Variants in PCDHGA8 observed in about 807,000 individuals in gnomAD.
The protein encoded by PCDHGA8 is protocadherin gamma-A8.
In PCDHGA8, 45 loss-of-function variants were observed where a neutral mutation model predicts 59.2. That is an observed-to-expected ratio of 0.76 (90% CI 0.60 to 0.98). The LOEUF (loss-of-function observed/expected upper bound fraction) is 0.98. PCDHGA8 is among the 50% of genes least tolerant of loss of function. PCDHGA8 has a pLI of 0.00. For missense variants in PCDHGA8, 1,257 were observed against 1,196.2 expected (o/e 1.05, Z -0.75); for synonymous variants, 531 against 519.0 (o/e 1.02, Z -0.32).
At chr5:141,501,409 A>G (rs1358547245) in intron 2 of PCDHGA8, among the ~76,000 whole-genome samples, 1 of 151,978 alleles carries the variant, frequency 6.6e-6, no homozygotes, top group African/African-American at 2.4e-5. Context: ...ACTGCTTGGA[A>G]AATAGTTGAC....
chr5:141,456,872 A>C (rs1003618586), intron 1 of PCDHGA8, among the ~76,000 whole-genome samples: 2 of 152,152 alleles, frequency 1.3e-5, no homozygotes, highest in African/African-American at 4.8e-5. Context: ...CTGAGGCAGG[A>C]GAATCGCTTG....
intron 1 of PCDHGA8, chr5:141,414,177 T>G (rs370827396): frequency 1.7e-5 from 28 of 1,607,906 alleles, no homozygotes; most frequent in Non-Finnish European, 2.2e-5. Flanking sequence ...ATCTTGCAAC[T>G]GCAAAAGTGT....
intron 1 of PCDHGA8, chr5:141,413,935 A>T: frequency 6.2e-7 from 1 of 1,613,372 alleles, no homozygotes; most frequent in Non-Finnish European, 8.5e-7. Flanking sequence ...ATACCGAGTG[A>T]GTGTTCCTGA....
chr5:141,490,149 T>C lies in PCDHGA8; in HGVS notation c.2425-4658T>C. The C allele has an allele frequency of 1.9e-6, 3 of 1,614,188 alleles. No individual in the cohort carries two copies. The highest frequency in any genetic ancestry group is 2.7e-5 in the African/African-American group (2 of 75,050). On this transcript the variant is annotated intron_variant, in intron 1 of 3. Coordinates refer to ENST00000398604, the MANE Select transcript of PCDHGA8 (RefSeq NM_032088.2). This position sits in a 1 kb window ranked among gnomAD's most constrained non-coding sequence, Gnocchi z 5.4. ...TAGACCCTAGCAGTGGGGCAATCCA[T>C]GTGTTGGGTCCCATAGACTTTGAGG... is the stretch of plus-strand genomic sequence containing the variant.
intron 1 of PCDHGA8, among the ~76,000 whole-genome samples, chr5:141,437,929 G>A (rs1479763331): frequency 6.6e-6 from 1 of 151,960 alleles, no homozygotes; most frequent in East Asian, 1.9e-4. Context: ...GTAGAGATGG[G>A]GTTTCACCAT....
At position 141,511,436 on chromosome 5, in the gene PCDHGA8, T is replaced by C. The variant is rs1371734719; in HGVS notation, c.*263T>C. The C allele has an allele frequency of 1.5e-5, 11 of 718,486 alleles. No individual in the cohort carries two copies. The highest frequency in any genetic ancestry group is 2.2e-5 in the Non-Finnish European group (10 of 461,474). The allele number at this position is 718,486 out of a possible 1,614,324, so 44.5% of individuals were successfully genotyped here. The stretch of plus-strand genomic sequence containing the variant: ...ACCCATGGGGGTAGTGGGGTTACTG[T>C]AGACACCAAGAACCATTTGCCACAC... On this transcript the variant is annotated 3_prime_UTR_variant, in exon 4 of 4. Coordinates refer to ENST00000398604, the MANE Select transcript of PCDHGA8 (RefSeq NM_032088.2).
intron 1 of PCDHGA8, among the ~76,000 whole-genome samples, chr5:141,455,410 G>A (rs1332059386): frequency 6.6e-6 from 1 of 152,130 alleles, no homozygotes; most frequent in Non-Finnish European, 1.5e-5. Context: ...CAGAGACAGA[G>A]GGAGCGGGGC....
chr5:141,399,721 G>C, intron 1 of PCDHGA8: 1 of 1,613,292 alleles, frequency 6.2e-7, no homozygotes, highest in Non-Finnish European at 8.5e-7. Flanking sequence ...ACAGGCCCGC[G>C]ACCAGGGCTC....
chr5:141,461,902 C>A (rs1477274695), intron 1 of PCDHGA8, among the ~76,000 whole-genome samples: 1 of 152,116 alleles, frequency 6.6e-6, no homozygotes, highest in African/African-American at 2.4e-5. Flanking sequence ...CGGCTCACTG[C>A]AACCTCTGCC....
intron 1 of PCDHGA8, among the ~76,000 whole-genome samples, chr5:141,448,180 G>C (rs961721974): frequency 1.3e-5 from 2 of 151,998 alleles, no homozygotes; most frequent in African/African-American, 2.4e-5. Flanking sequence ...TTCATCCCTG[G>C]TTATGTACAC....
At chr5:141,407,524 C>CT (rs2094949017) in intron 1 of PCDHGA8, among the ~76,000 whole-genome samples, 1 of 146,696 alleles carries the variant, frequency 6.8e-6, no homozygotes, top group Admixed American at 6.8e-5. Flanking sequence ...TAGGACTTAA[C>CT]TTATTGTGCA....
At chr5:141,441,499 GCCT>G (rs1350774469) in intron 1 of PCDHGA8, 5 of 169,932 alleles carry the variant, frequency 2.9e-5, no homozygotes, top group African/African-American at 1.2e-4. Context: ...TTTCTACCAG[GCCT>G]CCTACGTCGT....
Position 141,491,103 on chromosome 5 carries a change from G to T in PCDHGA8, c.2425-3704G>T, listed in dbSNP as rs1190609518. The T allele has an allele frequency of 6.2e-7, 1 of 1,614,162 alleles. No individual in the cohort carries two copies. ...CCACAGCCCCAGGACTGTTCCTCGT[G>T]TCTACACACACTGGTGAGGTGCGCA... On this transcript the variant is annotated intron_variant, in intron 1 of 3. Coordinates refer to ENST00000398604, the MANE Select transcript of PCDHGA8 (RefSeq NM_032088.2). The surrounding 1 kb of genome is among the most constrained non-coding windows in gnomAD (Gnocchi z 6.9).
Position 141,476,294 on chromosome 5 carries a change from A to G in PCDHGA8, c.2425-18513A>G. 6.2e-7 allele frequency: 1 copy of G among 1,613,036 alleles called. No homozygotes were observed. The highest frequency in any genetic ancestry group is 8.5e-7 in the Non-Finnish European group (1 of 1,179,642). On this transcript the variant is annotated intron_variant, in intron 1 of 3. Transcript: ENST00000398604. The surrounding 1 kb of genome is among the most constrained non-coding windows in gnomAD (Gnocchi z 7.6). ...CGCGAACCTTGGTTTGGATCTCGGT[A>G]GCCTCTCAGCCCGCAGGTTCCGGGT...
In PCDHGA8 at chr5:141,491,801, G is replaced by C; in HGVS notation, c.2425-3006G>C. 1 of 1,500,844 alleles carries C rather than the reference G, an allele frequency of 6.7e-7. No individual in the cohort carries two copies. Among genetic ancestry groups the C allele is most frequent in the Non-Finnish European group, 8.9e-7 (1 of 1,125,292 alleles). The allele number at this position is 1,500,844 out of a possible 1,614,324, so 93.0% of individuals were successfully genotyped here. The stretch of plus-strand genomic sequence containing the variant: ...AACTTGCATCCACTCCTCTCCGGCC[G>C]GCTTGGTCGCTGGCTGCGCTCCACC... On this transcript the variant is annotated intron_variant, in intron 1 of 3. Coordinates refer to ENST00000398604, the MANE Select transcript of PCDHGA8 (RefSeq NM_032088.2). The surrounding 1 kb of genome is among the most constrained non-coding windows in gnomAD (Gnocchi z 6.9).
In PCDHGA8 at chr5:141,494,863, C is replaced by A. The variant is rs538734954; in HGVS notation, c.2481C>A (p.Ser827Arg). 17 of 1,614,118 alleles carry A rather than the reference C, an allele frequency of 1.1e-5. No individual in the cohort carries two copies. Among genetic ancestry groups the A allele is most frequent in the Non-Finnish European group, 1.4e-5 (17 of 1,179,994 alleles). Residue 827 changes from serine to arginine, a missense_variant and splice_region_variant, in exon 2 of 4, where the codon AGC becomes AGA. By Grantham distance (110) the Ser-to-Arg change is moderately radical. Transcript: ENST00000398604. ...RFSQAQRPGT[S>R]GSQNGDDTGT... ...CTCAGGCCCAGAGACCCGGCACCAG[C>A]GGGTAGGTGACTGATTCTCCAGCCC...
At position 141,486,254 on chromosome 5, in the gene PCDHGA8, G is replaced by A. The variant is rs2099626723; in HGVS notation, c.2425-8553G>A. ...GACCTCAGAGCTTGGAACCCTCCCCGAGAGTGCAGAACCTGGCACTGTGGT... is the reference window on the plus strand; with the variant it reads ...GACCTCAGAGCTTGGAACCCTCCCCAAGAGTGCAGAACCTGGCACTGTGGT... On this transcript the variant is annotated intron_variant, in intron 1 of 3. Transcript: ENST00000398604. This position sits in a 1 kb window ranked among gnomAD's most constrained non-coding sequence, Gnocchi z 5.0. The A allele has an allele frequency of 1.2e-6, 2 of 1,613,992 alleles. No individual in the cohort carries two copies. Among genetic ancestry groups the A allele is most frequent in the Non-Finnish European group, 1.7e-6 (2 of 1,179,982 alleles).
chr5:141,485,374 T>A lies in PCDHGA8; in HGVS notation c.2425-9433T>A. Reference sequence around the variant, plus strand: ...TGTCAGCTCGCAGGCTGCAGGTCGCTGGAGAGGTGAACCAAAGACACTTCC... The same window carrying A: ...TGTCAGCTCGCAGGCTGCAGGTCGCAGGAGAGGTGAACCAAAGACACTTCC... On this transcript the variant is annotated intron_variant, in intron 1 of 3. Coordinates refer to ENST00000398604, the MANE Select transcript of PCDHGA8 (RefSeq NM_032088.2). The surrounding 1 kb of genome is among the most constrained non-coding windows in gnomAD (Gnocchi z 5.7). The A allele has an allele frequency of 1.2e-6, 2 of 1,614,082 alleles. No homozygotes were observed. Among genetic ancestry groups the A allele is most frequent in the Non-Finnish European group, 1.7e-6 (2 of 1,179,998 alleles).
intron 1 of PCDHGA8, chr5:141,415,029 G>C (rs777967290): frequency 6.2e-7 from 1 of 1,613,552 alleles, no homozygotes; most frequent in South Asian, 1.1e-5. Flanking sequence ...CCAGCGAGCC[G>C]GGACTCTTCG....
Sources: gnomAD v4.1 joint callset for allele counts (sites outside exome capture counted in the v4.1 genomes callset) on GRCh38, gnomAD v4.1.1 for gene constraint, Gnocchi (gnomAD v3.1) non-coding constraint, MANE v1.5 for transcripts, NCBI Gene and HGNC (gene_info 2026-07-23, HGNC 2026-07-21) for gene names.